The following ASTN1 variants were observed in gnomAD, a reference collection of about 807,000 sequenced individuals.
ASTN1 encodes the protein astrotactin-1.
ASTN1 carries 41 observed loss-of-function variants against 140.7 expected under a neutral mutation model. The observed-to-expected ratio is 0.29, with a 90% CI of 0.23 to 0.38. The LOEUF (loss-of-function observed/expected upper bound fraction) is 0.38, where lower values mean the gene tolerates loss of function less well. Ranked by LOEUF, ASTN1 falls within the 10% of genes least tolerant of loss-of-function variation. The pLI is 1.00. For synonymous variants in ASTN1, 640 were observed against 652.2 expected (o/e 0.98, Z 0.29); for missense variants, 1,479 against 1,678.8 (o/e 0.88, Z 2.08).
chr1:177,015,614 T>A lies in ASTN1; in HGVS notation c.1439-739A>T, dbSNP rs1335407137. Among the ~76,000 whole-genome samples the A allele has an allele frequency of 2.6e-5, 4 of 152,218 alleles. No homozygotes were observed. In the East Asian group the frequency reaches 7.7e-4, roughly 29 times the overall value. ...TTATTTAGGATATCACTACATTTCA[T>A]TATAATTTGTTATTCCATTAGTATA... is the stretch of plus-strand genomic sequence containing the variant. On this transcript the variant is annotated intron_variant, in intron 7 of 22. Transcript: ENST00000361833.
intron 1 of ASTN1, among the ~76,000 whole-genome samples, chr1:177,089,844 G>A (rs1369767373): frequency 6.6e-6 from 1 of 152,158 alleles, no homozygotes; most frequent in Non-Finnish European, 1.5e-5. Flanking sequence ...AGAAGTCACT[G>A]ACATTGGTCA....
intron 1 of ASTN1, among the ~76,000 whole-genome samples, chr1:177,140,230 C>G (rs959853086): frequency 6.6e-6 from 1 of 152,174 alleles, no homozygotes; most frequent in Admixed American, 6.5e-5. Flanking sequence ...ATAGCTCTGC[C>G]AAGAAGCCAC....
chr1:176,953,617 G>C (rs1256163905), intron 11 of ASTN1, among the ~76,000 whole-genome samples: 1 of 152,204 alleles, frequency 6.6e-6, no homozygotes, highest in African/African-American at 2.4e-5. Context: ...GTCCTACAGA[G>C]AGAGAGATGG....
chr1:177,067,637 A>G (rs1678429673), intron 1 of ASTN1, among the ~76,000 whole-genome samples: 1 of 152,172 alleles, frequency 6.6e-6, no homozygotes, highest in South Asian at 2.1e-4. Context: ...GTCAGGGGTT[A>G]ATAACAGTAG....
At chr1:176,923,857 G>T (rs562685662) in intron 16 of ASTN1, among the ~76,000 whole-genome samples, 1 of 152,284 alleles carries the variant, frequency 6.6e-6, no homozygotes, top group South Asian at 2.1e-4. Context: ...ATGATGTCAA[G>T]TTCAGATTCT....
intron 2 of ASTN1, among the ~76,000 whole-genome samples, chr1:177,051,744 A>G (rs1218901875): frequency 6.6e-6 from 1 of 152,142 alleles, no homozygotes; most frequent in Non-Finnish European, 1.5e-5. Flanking sequence ...AGAAAAGGTA[A>G]TGGCATCAGG....
At chr1:177,158,231 C>T (rs922552168) in intron 1 of ASTN1, among the ~76,000 whole-genome samples, 5 of 152,082 alleles carry the variant, frequency 3.3e-5, no homozygotes, top group African/African-American at 1.2e-4. Flanking sequence ...GAGATCTGTA[C>T]AAATACTTTG....
At chr1:177,039,362 T>C (rs1206062607) in intron 2 of ASTN1, among the ~76,000 whole-genome samples, 1 of 152,150 alleles carries the variant, frequency 6.6e-6, no homozygotes, top group Non-Finnish European at 1.5e-5. Flanking sequence ...AGGTCAGGGG[T>C]AAACACCCTC....
intron 1 of ASTN1, among the ~76,000 whole-genome samples, chr1:177,142,862 T>G (rs753440936): frequency 1.3e-4 from 20 of 149,478 alleles, no homozygotes; most frequent in Non-Finnish European, 2.7e-4. Context: ...GAAATCAGGA[T>G]TCTTTGAGCC....
At chr1:177,045,624 C>G (rs1441566875) in intron 2 of ASTN1, among the ~76,000 whole-genome samples, 1 of 152,216 alleles carries the variant, frequency 6.6e-6, no homozygotes, top group Non-Finnish European at 1.5e-5. Context: ...GAGGATACGG[C>G]TATGTTTTTA....
intron 16 of ASTN1, among the ~76,000 whole-genome samples, chr1:176,914,116 T>C (rs1322777301): frequency 6.6e-6 from 1 of 152,202 alleles, no homozygotes; most frequent in Non-Finnish European, 1.5e-5. Context: ...GGTGCTAAAA[T>C]AGTTCCTATT....
At chr1:177,156,004 G>T (rs571360922) in intron 1 of ASTN1, among the ~76,000 whole-genome samples, 1 of 152,210 alleles carries the variant, frequency 6.6e-6, no homozygotes, top group East Asian at 1.9e-4. Flanking sequence ...AGGCATGGTG[G>T]CTCATGCCTA....
chr1:177,144,298 G>T (rs1165137361), intron 1 of ASTN1, among the ~76,000 whole-genome samples: 1 of 151,212 alleles, frequency 6.6e-6, no homozygotes, highest in East Asian at 2.0e-4. Context: ...TATCGCCCAG[G>T]CTGGAGTGCA....
intron 1 of ASTN1, among the ~76,000 whole-genome samples, chr1:177,140,594 A>G (rs1250281668): frequency 6.6e-6 from 1 of 152,220 alleles, no homozygotes; most frequent in African/African-American, 2.4e-5. Context: ...AAGTAGATTC[A>G]TTGGGTGTCC....
At chr1:177,139,226 G>A (rs540826374) in intron 1 of ASTN1, among the ~76,000 whole-genome samples, 128 of 152,276 alleles carry the variant, frequency 8.4e-4, no homozygotes, top group Non-Finnish European at 1.6e-3. Flanking sequence ...ACCTCTATCT[G>A]GGAGGAAAAA....
At chr1:177,097,691 G>A (rs1189351124) in intron 1 of ASTN1, among the ~76,000 whole-genome samples, 1 of 152,050 alleles carries the variant, frequency 6.6e-6, no homozygotes, top group Non-Finnish European at 1.5e-5. Context: ...AGATAAATGG[G>A]GTAGGGGAGT....
In ASTN1 at chr1:176,888,221, G is replaced by T. The variant is rs1018633269; in HGVS notation, c.2941-17C>A. 3 of 1,613,260 alleles carry T rather than the reference G, an allele frequency of 1.9e-6. No individual in the cohort carries two copies. Among genetic ancestry groups the T allele is most frequent in the Non-Finnish European group, 8.5e-7 (1 of 1,179,774 alleles). ...CTGCAAGAGCTGCATAAGAGAACAG[G>T]GAAAAGATTGAGTGTTGAGAAGCCA... On this transcript the variant is annotated splice_polypyrimidine_tract_variant and intron_variant, in intron 17 of 22. Coordinates refer to ENST00000361833, the MANE Select transcript of ASTN1 (RefSeq NM_004319.3).
intron 21 of ASTN1, among the ~76,000 whole-genome samples, chr1:176,871,874 C>A (rs1482015793): frequency 1.3e-5 from 2 of 152,248 alleles, no homozygotes; most frequent in East Asian, 3.8e-4. Context: ...TGTCTTCTCT[C>A]TCTTTAACAT....
intron 20 of ASTN1, among the ~76,000 whole-genome samples, chr1:176,879,640 T>C (rs910831576): frequency 2.6e-5 from 4 of 152,236 alleles, no homozygotes; most frequent in African/African-American, 9.6e-5. Context: ...TAAACTGTAT[T>C]GGATGCTGAC....
Sources: allele counts gnomAD v4.1 joint callset (sites outside exome capture counted in the v4.1 genomes callset), GRCh38; gene constraint gnomAD v4.1.1; transcripts MANE v1.5; gene names NCBI Gene and HGNC (gene_info 2026-07-23, HGNC 2026-07-21).